Variants in HTR7 observed in about 807,000 individuals in gnomAD.
HTR7 encodes 5-hydroxytryptamine receptor 7.
HTR7 carries 16 observed loss-of-function variants against 34.0 expected under a neutral mutation model. That is an observed-to-expected ratio of 0.47 (90% CI 0.32 to 0.71). HTR7 has a LOEUF of 0.71. Among genes scored for constraint, HTR7 ranks in the 30% least tolerant of loss-of-function variants. The probability of loss-of-function intolerance (pLI) is 0.04; values close to 1 mark genes in which losing one functional copy is unlikely to be tolerated. For missense variants in HTR7, 504 were observed against 625.5 expected (o/e 0.81, Z 2.07); for synonymous variants, 265 against 260.2 (o/e 1.02, Z -0.18).
At chr10:90,744,769 A>G (rs1844608604) in intron 2 of HTR7, among the ~76,000 whole-genome samples, 1 of 152,172 alleles carries the variant, frequency 6.6e-6, no homozygotes, top group Admixed American at 6.5e-5. Flanking sequence ...CCATTTGTCA[A>G]TATTAAAAGT....
At chr10:90,763,148 A>T (rs1844966546) in intron 1 of HTR7, among the ~76,000 whole-genome samples, 1 of 151,882 alleles carries the variant, frequency 6.6e-6, no homozygotes, top group Admixed American at 6.6e-5. Context: ...GAATTTTAGG[A>T]TTGTTTTCTG....
intron 1 of HTR7, among the ~76,000 whole-genome samples, chr10:90,817,010 T>C (rs35416754): frequency 0.16 from 24,952 of 152,176 alleles, 2,453 homozygotes; most frequent in East Asian, 0.27. Context: ...GCTCTATGTC[T>C]CTTGGCCACA....
At chr10:90,847,637 G>T in intron 1 of HTR7, among the ~76,000 whole-genome samples, 1 of 152,174 alleles carries the variant, frequency 6.6e-6, no homozygotes, top group African/African-American at 2.4e-5. Flanking sequence ...AGTACCTGGC[G>T]AGGAAGCAAG....
At position 90,821,040 on chromosome 10, in the gene HTR7, A is replaced by C. The variant is rs1034594603; in HGVS notation, c.539+36093T>G. On this transcript the variant is annotated intron_variant, in intron 1 of 3. Coordinates refer to ENST00000336152, the MANE Select transcript of HTR7 (RefSeq NM_019859.4). Reference sequence around the variant, plus strand: ...TCACAGAGTAGCAGGAGGTGGAACAAAATGGATGAATACAAGCTTCCACCA... The same window carrying C: ...TCACAGAGTAGCAGGAGGTGGAACACAATGGATGAATACAAGCTTCCACCA... Among the ~76,000 whole-genome samples the C allele has an allele frequency of 1.9e-4, 29 of 152,104 alleles. 1 individual carries two copies. Among genetic ancestry groups the C allele is most frequent in the African/African-American group, 7.0e-4 (29 of 41,400 alleles).
chr10:90,795,951 A>C (rs993623245), intron 1 of HTR7, among the ~76,000 whole-genome samples: 1 of 152,152 alleles, frequency 6.6e-6, no homozygotes, highest in African/African-American at 2.4e-5. Context: ...TATCATAAGG[A>C]GTTATAGAGA....
At chr10:90,783,204 G>C (rs909507267) in intron 1 of HTR7, among the ~76,000 whole-genome samples, 6 of 152,166 alleles carry the variant, frequency 3.9e-5, no homozygotes, top group African/African-American at 1.4e-4. Flanking sequence ...GGAGAAGGAT[G>C]AACTTAGCCC....
At chr10:90,753,373 AAGAGAG>A (rs150993996) in intron 1 of HTR7, among the ~76,000 whole-genome samples, 3 of 150,526 alleles carry the variant, frequency 2.0e-5, no homozygotes, top group East Asian at 1.9e-4. Flanking sequence ...CTCTATTTTA[AAGAGAG>A]AGAGAGAGAG....
chr10:90,819,590 ATAGT>A (rs1845946874), intron 1 of HTR7, among the ~76,000 whole-genome samples: 1 of 152,188 alleles, frequency 6.6e-6, no homozygotes. Flanking sequence ...GCTTTGCCTG[ATAGT>A]TGGTTTCTAT....
At chr10:90,841,083 A>T (rs1846322224) in intron 1 of HTR7, among the ~76,000 whole-genome samples, 1 of 152,248 alleles carries the variant, frequency 6.6e-6, no homozygotes, top group South Asian at 2.1e-4. Flanking sequence ...CATGGCTTCA[A>T]GTCCCAGACT....
chr10:90,750,303 G>A (rs1844714103), intron 1 of HTR7, among the ~76,000 whole-genome samples: 1 of 152,118 alleles, frequency 6.6e-6, no homozygotes, highest in South Asian at 2.1e-4. Flanking sequence ...ACAAAACAAG[G>A]GTGCAATTCT....
chr10:90,742,602 T>C (rs1274538891), intron 3 of HTR7, 74 bp from the exon 4 acceptor site: 4 of 1,046,626 alleles, frequency 3.8e-6, no homozygotes, highest in Non-Finnish European at 5.8e-6. Flanking sequence ...TTGTGGTAGG[T>C]GGACTTAATT....
intron 1 of HTR7, among the ~76,000 whole-genome samples, chr10:90,817,284 C>T (rs1214140044): frequency 3.9e-5 from 6 of 152,284 alleles, no homozygotes; most frequent in African/African-American, 1.4e-4. Flanking sequence ...CCTGATACTC[C>T]CACCTTCAGG....
At chr10:90,823,625 TTTTGAAATGTGAGAAGGACATGAGA>T (rs1253845806) in intron 1 of HTR7, among the ~76,000 whole-genome samples, 79 of 152,284 alleles carry the variant, frequency 5.2e-4, no homozygotes, top group African/African-American at 1.9e-3. Context: ...GGCATGATTG[TTTTGAAATGTGAGAAGGACATGAGA>T]TTTGGAAGGG....
At chr10:90,780,947 G>A (rs182491366) in intron 1 of HTR7, among the ~76,000 whole-genome samples, 224 of 152,246 alleles carry the variant, frequency 1.5e-3, no homozygotes, top group African/African-American at 5.0e-3. Flanking sequence ...CAAAACTCCC[G>A]TGCAAGGAAT....
At chr10:90,851,035 G>T (rs1345398926) in intron 1 of HTR7, among the ~76,000 whole-genome samples, 2 of 151,848 alleles carry the variant, frequency 1.3e-5, no homozygotes, top group African/African-American at 2.4e-5. Context: ...CCCCAAACAG[G>T]GTTAACAGTA....
intron 1 of HTR7, among the ~76,000 whole-genome samples, chr10:90,764,573 T>TTA (rs1381741310): frequency 6.6e-6 from 1 of 152,160 alleles, no homozygotes; most frequent in East Asian, 1.9e-4. Flanking sequence ...AGTGGAGTCT[T>TTA]TAGAGTTTTC....
intron 1 of HTR7, among the ~76,000 whole-genome samples, chr10:90,822,771 A>G (rs1018534404): frequency 6.6e-6 from 1 of 152,334 alleles, no homozygotes; most frequent in East Asian, 1.9e-4. Flanking sequence ...GGCCAGGACC[A>G]GGAACCTGCT....
Position 90,857,525 on chromosome 10 carries a change from C to T in HTR7, c.147G>A (p.Leu49=). 2 of 1,609,502 alleles carry T rather than the reference C, an allele frequency of 1.2e-6. No individual in the cohort carries two copies. The highest frequency in any genetic ancestry group is 1.7e-4 in the Middle Eastern group (1 of 5,904). ...GCGCCGGGCTGGCTGTCACCTCGCTCAGCAGGTGCGGCGCCCAGGAGCCCG... is the reference window on the plus strand; with the variant it reads ...GCGCCGGGCTGGCTGTCACCTCGCTTAGCAGGTGCGGCGCCCAGGAGCCCG... The part of the protein sequence containing the change: ...PVAGSWAPHL[L]SEVTASPAPT... The change falls in exon 1 of 4, where the codon CTG becomes CTA. Residue 49 remains leucine (L), a synonymous_variant. Transcript: ENST00000336152. The surrounding 1 kb of genome is among the most constrained non-coding windows in gnomAD (Gnocchi z 6.5).
chr10:90,744,127 G>C lies in HTR7; in HGVS notation c.1296-437C>G, dbSNP rs553135891. ...AAGCTAGATGGGAGGAAAAGAGCTG[G>C]AGAAAGCCCTGAGTCTGGAGGAGTC... On this transcript the variant is annotated intron_variant, in intron 2 of 3. Transcript: ENST00000336152. Among the ~76,000 whole-genome samples, 202 of 151,876 alleles carry C rather than the reference G, an allele frequency of 1.3e-3. 1 individual carries two copies. The highest frequency in any genetic ancestry group is 6.8e-3 in the Middle Eastern group (2 of 294).
Sources: allele counts gnomAD v4.1 joint callset (sites outside exome capture counted in the v4.1 genomes callset), GRCh38; gene constraint gnomAD v4.1.1; non-coding constraint Gnocchi (gnomAD v3.1); transcripts MANE v1.5; gene names NCBI Gene and HGNC (gene_info 2026-07-23, HGNC 2026-07-21).